The following CDHR3 variants were observed in gnomAD, a reference collection of about 807,000 sequenced individuals.
CDHR3 encodes cadherin-related family member 3.
In CDHR3, 79 loss-of-function variants were observed where a neutral mutation model predicts 86.6. The observed-to-expected ratio is 0.91, with a 90% confidence interval of 0.76 to 1.10. The LOEUF is 1.10. Among genes scored for constraint, CDHR3 ranks in the 50% least tolerant of loss-of-function variants. The pLI, the probability that CDHR3 is intolerant of heterozygous loss-of-function variation, is 0.00. For missense variants in CDHR3, 1,081 were observed against 1,077.6 expected (o/e 1.00, Z -0.04); for synonymous variants, 421 against 402.4 (o/e 1.05, Z -0.55).
At chr7:105,984,356 C>G (rs2115695757) in intron 4 of CDHR3, 67 bp downstream of exon 4, 1 of 1,290,616 alleles carries the variant, frequency 7.7e-7, no homozygotes, top group Non-Finnish European at 1.1e-6. Flanking sequence ...GCCTGCTGTC[C>G]TGAGTCTTGG....
intron 2 of CDHR3, among the ~76,000 whole-genome samples, chr7:105,980,071 G>A (rs560370806): frequency 5.8e-4 from 89 of 152,296 alleles, no homozygotes; most frequent in South Asian, 2.5e-3. Flanking sequence ...GACAACAAAA[G>A]CTCCTGACAA....
rs374172981 is a variant in CDHR3 at position 106,016,050 on chromosome 7, C to G, written c.1426+25C>G. ...GGTAAGTAACAGATAAGACACAGAC[C>G]AGAGTGCTGTCAATGGACTCCATCC... On this transcript the variant is annotated intron_variant, in intron 11 of 18. Transcript: ENST00000317716. 17 of 1,495,050 alleles carry G rather than the reference C, an allele frequency of 1.1e-5. No individual in the cohort carries two copies. The African/African-American group carries it at 1.7e-4, about 15-fold the overall frequency. The allele number at this position is 1,495,050 out of a possible 1,614,324, so 92.6% of individuals were successfully genotyped here.
At chr7:105,970,651 C>T (rs1237382798) in intron 1 of CDHR3, among the ~76,000 whole-genome samples, 1 of 152,072 alleles carries the variant, frequency 6.6e-6, no homozygotes, top group Non-Finnish European at 1.5e-5. Context: ...CAGATGGGTG[C>T]CTTTGGATAC....
intron 1 of CDHR3, among the ~76,000 whole-genome samples, chr7:105,965,569 C>CCCA (rs1554507736): frequency 4.7e-5 from 5 of 106,374 alleles, no homozygotes; most frequent in South Asian, 5.3e-4. Context: ...CAAGCCCCAC[C>CCCA]CCCCCCCATG....
intron 3 of CDHR3, among the ~76,000 whole-genome samples, chr7:105,981,911 C>T (rs1244964000): frequency 6.6e-6 from 1 of 152,104 alleles, no homozygotes; most frequent in Non-Finnish European, 1.5e-5. Context: ...ACATGAAATC[C>T]TTTAGGAAAT....
chr7:106,032,254 C>A, intron 18 of CDHR3, 139 bp from the exon 19 acceptor site: 2 of 815,290 alleles, frequency 2.5e-6, no homozygotes, highest in South Asian at 1.8e-5. Flanking sequence ...CACACACCTA[C>A]TGTCTGTGTC....
At chr7:105,967,777 C>A (rs1182124956) in intron 1 of CDHR3, among the ~76,000 whole-genome samples, 1 of 152,148 alleles carries the variant, frequency 6.6e-6, no homozygotes, top group Admixed American at 6.5e-5. Flanking sequence ...CTGTTCATAT[C>A]CTTCACCCAC....
rs766881171 is a variant in CDHR3 at position 106,004,584 on chromosome 7, G to A, written c.949G>A (p.Val317Met). 6.2e-7 allele frequency: 1 copy of A among 1,614,022 alleles called. No individual in the cohort carries two copies. The highest frequency in any genetic ancestry group is 8.5e-7 in the Non-Finnish European group (1 of 1,179,894). Residue 317 changes from valine to methionine, a missense_variant, in exon 8 of 19, where the codon GTG (valine) becomes ATG (methionine). Coordinates refer to ENST00000317716, the MANE Select transcript of CDHR3 (RefSeq NM_152750.5). The stretch of plus-strand genomic sequence containing the variant: ...TCCCACCATTTCCCTGGAAGTTCTA[G>A]TGAAGGACAGACCATATGGGGGTCA... Reference protein sequence around the residue: ...QNPTISLEVLVKDRPYGGQEN... With the variant: ...QNPTISLEVLMKDRPYGGQEN...
intron 1 of CDHR3, among the ~76,000 whole-genome samples, chr7:105,967,733 G>T (rs1490099388): frequency 6.6e-6 from 1 of 152,166 alleles, no homozygotes; most frequent in Non-Finnish European, 1.5e-5. Flanking sequence ...TCATGTGTCT[G>T]TTGGCTGCAT....
intron 1 of CDHR3, among the ~76,000 whole-genome samples, chr7:105,964,062 T>C (rs1460896847): frequency 6.6e-6 from 1 of 152,226 alleles, no homozygotes; most frequent in African/African-American, 2.4e-5. Flanking sequence ...AGTAAAATAC[T>C]TAGAAGAGTG....
chr7:106,028,469 G>A (rs769134110), intron 16 of CDHR3, 82 bp from the exon 17 acceptor site: 1 of 1,457,932 alleles, frequency 6.9e-7, no homozygotes, highest in African/African-American at 1.4e-5. Flanking sequence ...CCTATTTAGG[G>A]GAAATACCGT....
intron 6 of CDHR3, among the ~76,000 whole-genome samples, chr7:105,996,695 G>A (rs1832297025): frequency 6.6e-6 from 1 of 152,140 alleles, no homozygotes; most frequent in Non-Finnish European, 1.5e-5. Flanking sequence ...TAACAGCAGA[G>A]TCCCAGAGCA....
intron 4 of CDHR3, among the ~76,000 whole-genome samples, chr7:105,990,371 G>GT (rs1271927110): frequency 2.6e-5 from 4 of 152,070 alleles, no homozygotes; most frequent in Non-Finnish European, 4.4e-5. Flanking sequence ...TTTAACGATA[G>GT]TTTTTTTTCT....
chr7:106,013,111 G>A, intron 9 of CDHR3, 80 bp downstream of exon 9: 1 of 1,347,662 alleles, frequency 7.4e-7, no homozygotes, highest in Non-Finnish European at 1.0e-6. Context: ...GCCCCATAGA[G>A]AGAAATTTCC....
At chr7:105,969,594 A>G (rs1827618072) in intron 1 of CDHR3, among the ~76,000 whole-genome samples, 1 of 152,168 alleles carries the variant, frequency 6.6e-6, no homozygotes, top group East Asian at 1.9e-4. Context: ...ACAGCAAAAT[A>G]GAAAAAAATC....
At chr7:106,000,421 A>G (rs1233136275) in intron 6 of CDHR3, among the ~76,000 whole-genome samples, 1 of 152,152 alleles carries the variant, frequency 6.6e-6, no homozygotes, top group African/African-American at 2.4e-5. Context: ...CCTACCTTAT[A>G]GGGATGGTGA....
At chr7:106,010,612 C>T (rs1295630907) in intron 8 of CDHR3, among the ~76,000 whole-genome samples, 2 of 152,144 alleles carry the variant, frequency 1.3e-5, no homozygotes, top group Admixed American at 6.5e-5. Flanking sequence ...GACTTTGCTC[C>T]GTATGCACTG....
Position 105,994,815 on chromosome 7 carries a change from C to G in CDHR3, c.578C>G (p.Thr193Arg). 1 of 1,611,868 alleles carries G rather than the reference C, an allele frequency of 6.2e-7. No individual in the cohort carries two copies. The highest frequency in any genetic ancestry group is 1.1e-5 in the South Asian group (1 of 90,440). The change falls in exon 5 of 19, where the codon ACA becomes AGA. Residue 193 changes from threonine (T) to arginine (R), a missense_variant. Coordinates refer to ENST00000317716, the MANE Select transcript of CDHR3 (RefSeq NM_152750.5). ...MSANGTLFST[T>R]ELDFEAGHRS... ...GCTAATGGCACCCTCTTCTCCACAA[C>G]AGAATTGGACTTTGAAGCAGGACAC... is the stretch of plus-strand genomic sequence containing the variant.
At chr7:106,025,159 T>G (rs1837170146) in intron 15 of CDHR3, among the ~76,000 whole-genome samples, 1 of 152,218 alleles carries the variant, frequency 6.6e-6, no homozygotes, top group African/African-American at 2.4e-5. Flanking sequence ...TGTCTTTTAC[T>G]GGCTAAAGTG....
Sources: allele counts gnomAD v4.1 joint callset (sites outside exome capture counted in the v4.1 genomes callset), GRCh38; gene constraint gnomAD v4.1.1; transcripts MANE v1.5; gene names NCBI Gene and HGNC (gene_info 2026-07-23, HGNC 2026-07-21).